The following RFPL4A variants were observed in gnomAD, a reference collection of about 807,000 sequenced individuals.
The protein encoded by RFPL4A is ret finger protein like 4A.
A neutral mutation model predicts 8.3 loss-of-function variants in RFPL4A; 4 were observed. The ratio of observed to expected loss-of-function variants is 0.48; its 90% CI spans 0.24 to 1.10. The LOEUF is 1.10. Among genes scored for constraint, RFPL4A ranks in the 50% least tolerant of loss-of-function variants. RFPL4A has a pLI of 0.18. For missense variants in RFPL4A, 111 were observed against 358.7 expected, an observed-to-expected ratio of 0.31 and a Z score of 5.58; for synonymous variants, 43 against 136.6, an observed-to-expected ratio of 0.31 and a Z score of 4.78.
chr19:55,760,070 T>C (rs574127335), intron 1 of RFPL4A, among the ~76,000 whole-genome samples: 1 of 151,732 alleles, frequency 6.6e-6, no homozygotes, highest in African/African-American at 2.4e-5. Context: ...GGAAGTAGGG[T>C]TGCTGGAACA....
chr19:55,759,632 T>C (rs970532869), intron 1 of RFPL4A, among the ~76,000 whole-genome samples: 2 of 151,844 alleles, frequency 1.3e-5, no homozygotes, highest in Non-Finnish European at 2.9e-5. Context: ...TACATTACTA[T>C]TGCGGAAAAG....
At chr19:55,761,179 GT>G (rs1989274882) in intron 1 of RFPL4A, among the ~76,000 whole-genome samples, 1 of 138,620 alleles carries the variant, frequency 7.2e-6, no homozygotes, top group Non-Finnish European at 1.6e-5. Flanking sequence ...CACTATCAGG[GT>G]TTTCACCACA....
At chr19:55,757,331 A>T (rs1181646991), upstream of RFPL4A, among the ~76,000 whole-genome samples, 1 of 151,966 alleles carries the variant, frequency 6.6e-6, no homozygotes, top group African/African-American at 2.4e-5. Flanking sequence ...TATGTACCAA[A>T]CCTGCACGTT....
chr19:55,763,152 C>G lies in RFPL4A; in HGVS notation c.841C>G (p.Pro281Ala), dbSNP rs747431754. 1 of 1,536,272 alleles carries G rather than the reference C, an allele frequency of 6.5e-7. No individual in the cohort carries two copies. The stretch of plus-strand genomic sequence containing the variant: ...GATCAATCCATCCGCTGCCAGTGCC[C>G]CAGTTTCTTCTGAGGGAAAGTAAAT... ...SVINPSAASAPVSSEGK is the reference protein window; with the variant it reads ...SVINPSAASAAVSSEGK The change falls in exon 3 of 3, where the codon CCA becomes GCA. Residue 281 changes from proline (P) to alanine (A), a missense_variant. Coordinates refer to ENST00000434937, the MANE Select transcript of RFPL4A (RefSeq NM_001145014.2).
chr19:55,760,290 C>A (rs1173380129), intron 1 of RFPL4A, among the ~76,000 whole-genome samples: 3 of 151,462 alleles, frequency 2.0e-5, no homozygotes, highest in Non-Finnish European at 2.9e-5. Context: ...TCAGGAGGCT[C>A]TCTGGATGCC....
chr19:55,757,881 G>C (rs549324023), upstream of RFPL4A, among the ~76,000 whole-genome samples: 1 of 151,742 alleles, frequency 6.6e-6, no homozygotes, highest in Admixed American at 6.6e-5. Context: ...CAGAAATTTC[G>C]TTCAAGCTTT....
intron 1 of RFPL4A, 93 bp from the exon 2 acceptor site, chr19:55,761,699 G>A (rs1310301603): frequency 4.1e-6 from 6 of 1,471,188 alleles, no homozygotes; most frequent in Middle Eastern, 1.8e-4. Context: ...TGCTATGATA[G>A]CTCCATGCAT....
upstream of RFPL4A, among the ~76,000 whole-genome samples, chr19:55,758,776 T>C (rs1445392430): frequency 3.3e-5 from 5 of 151,296 alleles, no homozygotes; most frequent in East Asian, 9.7e-4. Flanking sequence ...AGAAAACTCT[T>C]TGAAAGTCGC....
upstream of RFPL4A, among the ~76,000 whole-genome samples, chr19:55,757,858 T>A (rs1989202004): frequency 6.6e-6 from 1 of 151,476 alleles, no homozygotes; most frequent in Admixed American, 6.6e-5. Context: ...CCACCTGGTA[T>A]TCCCAAAGAG....
chr19:55,761,254 A>T (rs377176677), intron 1 of RFPL4A, among the ~76,000 whole-genome samples: 1,474 of 107,572 alleles, frequency 0.014, 12 homozygotes, highest in Non-Finnish European at 0.021. Context: ...TCCAATAGAA[A>T]CATAAGATAA....
Position 55,763,093 on chromosome 19 carries a change from A to T in RFPL4A, c.782A>T (p.Gln261Leu). The T allele has an allele frequency of 4.5e-6, 7 of 1,549,826 alleles. No homozygotes were observed. The highest frequency in any genetic ancestry group is 5.2e-6 in the Non-Finnish European group (6 of 1,146,734). ...TTTTTTGCTCATAAACGTGGAAGTC[A>T]AGATGATCAGAGCATCCTGAGTATC... The part of the protein sequence containing the change: ...RPFFAHKRGS[Q>L]DDQSILSICS... Residue 261 changes from glutamine (Q) to leucine (L), a missense_variant, in exon 3 of 3, where the codon CAA (glutamine) becomes CTA (leucine). By Grantham distance (113) the Gln-to-Leu change is moderately radical. Transcript: ENST00000434937.
At chr19:55,760,614 A>T (rs1391589411) in intron 1 of RFPL4A, among the ~76,000 whole-genome samples, 1 of 151,500 alleles carries the variant, frequency 6.6e-6, no homozygotes, top group East Asian at 2.0e-4. Context: ...CAGCCGTGAC[A>T]CTGCAGAATG....
In RFPL4A at chr19:55,762,038, A is replaced by C. The variant is rs1190371196; in HGVS notation, c.238A>C (p.Lys80Gln). Residue 80 changes from lysine to glutamine, a missense_variant, in exon 2 of 3, where the codon AAG (lysine) becomes CAG (glutamine). Transcript: ENST00000434937. ...LVSIIKELEP[K>Q]LKSVLTMNPR... Reference sequence around the variant, plus strand: ...TTCCATCATCAAGGAACTAGAGCCCAAGCTGAAATCTGTTCTAACAATGAA... The same window carrying C: ...TTCCATCATCAAGGAACTAGAGCCCCAGCTGAAATCTGTTCTAACAATGAA... 6.7e-7 allele frequency: 1 copy of C among 1,497,696 alleles called. No homozygotes were observed. The highest frequency in any genetic ancestry group is 1.5e-5 in the African/African-American group (1 of 68,176). 92.8% of individuals were successfully genotyped at this position (1,497,696 alleles called of 1,614,324 possible).
rs1194178381 is a variant in RFPL4A, at chr19:55,762,050, G to T, written c.250G>T (p.Val84Phe). 6.7e-7 allele frequency: 1 copy of T among 1,484,164 alleles called. No homozygotes were observed. The highest frequency in any genetic ancestry group is 1.3e-5 in the South Asian group (1 of 78,184). 91.9% of individuals were successfully genotyped at this position (1,484,164 alleles called of 1,614,324 possible). A position where few individuals can be genotyped will look rare whatever the true frequency, so the allele number is the denominator to read the frequency against. Residue 84 changes from valine (V) to phenylalanine (F), a missense_variant, in exon 2 of 3, where the codon GTT becomes TTT. By Grantham distance (50) the Val-to-Phe change is conservative. Transcript: ENST00000434937. ...IKELEPKLKS[V>F]LTMNPRMRKF... ...GGAACTAGAGCCCAAGCTGAAATCT[G>T]TTCTAACAATGAACCCAAGGATGAG...
intron 1 of RFPL4A, among the ~76,000 whole-genome samples, chr19:55,759,970 T>G (rs1989249316): frequency 6.6e-6 from 1 of 151,762 alleles, no homozygotes; most frequent in African/African-American, 2.4e-5. Flanking sequence ...CTGGGGTTGT[T>G]TCCATGGCTC....
chr19:55,762,323 G>A (rs1019373082), intron 2 of RFPL4A, among the ~76,000 whole-genome samples: 2 of 150,596 alleles, frequency 1.3e-5, no homozygotes, highest in Admixed American at 6.6e-5. Flanking sequence ...GTGCTAAATG[G>A]AAAGCTAATT....
chr19:55,758,794 AT>A (rs1989225530), upstream of RFPL4A, among the ~76,000 whole-genome samples: 1 of 151,090 alleles, frequency 6.6e-6, no homozygotes, highest in South Asian at 2.1e-4. Context: ...CGCACCGTTC[AT>A]TTTAGAGGAA....
At position 55,762,917 on chromosome 19, in the gene RFPL4A, G is replaced by A. The variant is rs567578630; in HGVS notation, c.606G>A (p.Val202=). The A allele has an allele frequency of 3.1e-4, 477 of 1,550,492 alleles. No individual in the cohort carries two copies. In the African/African-American group the frequency reaches 6.2e-3, roughly 20 times the overall value. ...GAAAGGTCTTTGCTGCCAGCACTGT[G>A]CCTATGACTCCTCTCTGGGTGAGTC... The part of the protein sequence containing the change: ...REGKVFAAST[V]PMTPLWVSPQ... The change falls in exon 3 of 3, where the codon GTG becomes GTA. Residue 202 remains valine (V), a synonymous_variant. Coordinates refer to ENST00000434937, the MANE Select transcript of RFPL4A (RefSeq NM_001145014.2).
At chr19:55,760,163 T>G (rs1032229738) in intron 1 of RFPL4A, among the ~76,000 whole-genome samples, 1 of 151,738 alleles carries the variant, frequency 6.6e-6, no homozygotes, top group African/African-American at 2.4e-5. Flanking sequence ...CCACCAACCG[T>G]GCACAAGGGT....
Sources: gnomAD v4.1 joint callset for allele counts (sites outside exome capture counted in the v4.1 genomes callset) on GRCh38, gnomAD v4.1.1 for gene constraint, MANE v1.5 for transcripts, NCBI Gene and HGNC (gene_info 2026-07-23, HGNC 2026-07-21) for gene names.